Variants in ITGA1 observed in about 807,000 individuals in gnomAD.
ITGA1 encodes integrin subunit alpha 1, also known as integrin alpha-1.
A neutral mutation model predicts 145.9 loss-of-function variants in ITGA1; 85 were observed. That is an observed-to-expected ratio of 0.58 (90% CI 0.49 to 0.70). ITGA1 has a LOEUF of 0.70. Among genes scored for constraint, ITGA1 ranks in the 30% least tolerant of loss-of-function variants. The pLI is 0.00. For missense variants in ITGA1, 1,351 were observed against 1,418.7 expected (o/e 0.95, Z 0.77); for synonymous variants, 520 against 495.3 (o/e 1.05, Z -0.66).
At chr5:52,882,192 C>T (rs1053662889) in intron 7 of ITGA1, among the ~76,000 whole-genome samples, 171 bp downstream of exon 7, 3 of 152,132 alleles carry the variant, frequency 2.0e-5, no homozygotes, top group African/African-American at 7.2e-5. Flanking sequence ...GTTTGTATGA[C>T]ACAATCTCAC....
At chr5:52,832,925 C>G (rs1749098543) in intron 1 of ITGA1, among the ~76,000 whole-genome samples, 1 of 151,720 alleles carries the variant, frequency 6.6e-6, no homozygotes, top group Non-Finnish European at 1.5e-5. Flanking sequence ...GGCATGATGG[C>G]TCATACCTGT....
intron 28 of ITGA1, among the ~76,000 whole-genome samples, chr5:52,950,105 T>C (rs770848868): frequency 5.9e-5 from 9 of 152,202 alleles, no homozygotes; most frequent in Non-Finnish European, 8.8e-5. Flanking sequence ...CTTAATACAC[T>C]TCATGATTGA....
In ITGA1 at chr5:52,925,406, A is replaced by C. The variant is rs202206578; in HGVS notation, c.2532A>C (p.Thr844=). 169 of 1,614,098 alleles carry C rather than the reference A, an allele frequency of 1.0e-4. No homozygotes were observed. In the Admixed American group the frequency reaches 2.8e-3, roughly 27 times the overall value. Residue 844 remains threonine (T), a synonymous_variant, in exon 19 of 29, where the codon ACA becomes ACC. Transcript: ENST00000282588. ...SQNDKFNVSL[T]VKNTKDSAYN... ...ATGATAAGTTCAACGTTAGCCTCAC[A>C]GTCAAAAATACAAAGGACAGTGCCT... is the stretch of plus-strand genomic sequence containing the variant.
intron 9 of ITGA1, among the ~76,000 whole-genome samples, chr5:52,896,231 A>G (rs1750221282): frequency 6.6e-6 from 1 of 152,186 alleles, no homozygotes; most frequent in Non-Finnish European, 1.5e-5. Context: ...AGAACATCAC[A>G]TAGCGTCCTT....
chr5:52,856,318 TGCTGTACA>T (rs1021116695), intron 2 of ITGA1, among the ~76,000 whole-genome samples: 19 of 152,192 alleles, frequency 1.2e-4, no homozygotes, highest in African/African-American at 4.3e-4. Context: ...CCTATTAGCA[TGCTGTACA>T]AGACTCACTT....
rs1386488467 is a variant in ITGA1, at chr5:52,937,456, C to T, written c.3020C>T (p.Pro1007Leu). 2 of 1,613,840 alleles carry T rather than the reference C, an allele frequency of 1.2e-6. No individual in the cohort carries two copies. Among genetic ancestry groups the T allele is most frequent in the Non-Finnish European group, 1.7e-6 (2 of 1,179,784 alleles). ...GAGCTTAAGCTGTCAATTTCATTCC[C>T]CAATATGACATCAAATGGTTACCCT... ...MPELKLSISF[P>L]NMTSNGYPVL... Residue 1007 changes from proline to leucine, a missense_variant, in exon 24 of 29, where the codon CCC becomes CTC. Coordinates refer to ENST00000282588, the MANE Select transcript of ITGA1 (RefSeq NM_181501.2).
At chr5:52,833,877 G>A (rs957949870) in intron 1 of ITGA1, among the ~76,000 whole-genome samples, 2 of 152,094 alleles carry the variant, frequency 1.3e-5, no homozygotes, top group African/African-American at 2.4e-5. Context: ...AAAAGCAGTT[G>A]GCTGGATGAA....
intron 1 of ITGA1, among the ~76,000 whole-genome samples, chr5:52,831,677 C>T (rs767001244): frequency 6.6e-6 from 1 of 151,466 alleles, no homozygotes; most frequent in Non-Finnish European, 1.5e-5. Context: ...AAATACATCT[C>T]GCAAGTGACT....
At position 52,864,797 on chromosome 5, in the gene ITGA1, G is replaced by A; in HGVS notation, c.330G>A (p.Lys110=). 1.9e-6 allele frequency: 3 copies of A among 1,612,368 alleles called. No individual in the cohort carries two copies. The highest frequency in any genetic ancestry group is 1.7e-5 in the Admixed American group (1 of 59,924). The change falls in exon 4 of 29, where the codon AAG becomes AAA. Residue 110 remains lysine, a synonymous_variant. Transcript: ENST00000282588. The part of the protein sequence containing the change: ...NTSIPNVTEV[K]ENMTFGSTLV... ...CAATTCCCAATGTCACAGAAGTAAA[G>A]GAGAACATGACATTTGGATCAACTT...
intron 27 of ITGA1, 112 bp from the exon 28 acceptor site, chr5:52,947,233 T>C (rs902536178): frequency 7.6e-6 from 5 of 661,338 alleles, no homozygotes; most frequent in African/African-American, 1.8e-5. Flanking sequence ...TTTCTCATTA[T>C]ATAGTAACGA....
intron 1 of ITGA1, among the ~76,000 whole-genome samples, chr5:52,840,075 C>T (rs766937443): frequency 6.6e-6 from 1 of 152,116 alleles, no homozygotes; most frequent in Non-Finnish European, 1.5e-5. Flanking sequence ...TGTATACTAC[C>T]TCTTTGCTTT....
intron 17 of ITGA1, among the ~76,000 whole-genome samples, chr5:52,921,771 T>G (rs1217375042): frequency 6.6e-6 from 1 of 152,190 alleles, no homozygotes; most frequent in Non-Finnish European, 1.5e-5. Flanking sequence ...GTAGAATTTG[T>G]ATCCCAAATA....
At chr5:52,934,713 G>A (rs1444503733) in intron 23 of ITGA1, among the ~76,000 whole-genome samples, 1 of 151,674 alleles carries the variant, frequency 6.6e-6, no homozygotes, top group African/African-American at 2.4e-5. Flanking sequence ...TTCAAATAAT[G>A]GATTTAAATA....
At chr5:52,938,526 A>G (rs1469212882) in intron 24 of ITGA1, among the ~76,000 whole-genome samples, 1 of 152,210 alleles carries the variant, frequency 6.6e-6, no homozygotes, top group African/African-American at 2.4e-5. Flanking sequence ...GGAAAAAATA[A>G]GCCTTTGGAA....
At chr5:52,847,981 A>T (rs1438000665) in intron 1 of ITGA1, among the ~76,000 whole-genome samples, 3 of 152,248 alleles carry the variant, frequency 2.0e-5, no homozygotes, top group Admixed American at 6.5e-5. Context: ...TTTAGGAGAC[A>T]GTCTTACTTA....
intron 6 of ITGA1, among the ~76,000 whole-genome samples, chr5:52,881,339 A>G (rs928895731): frequency 1.3e-5 from 2 of 152,006 alleles, no homozygotes; most frequent in African/African-American, 2.4e-5. Flanking sequence ...CTTCACATAC[A>G]CAGTTTCCCC....
intron 2 of ITGA1, among the ~76,000 whole-genome samples, chr5:52,856,992 A>T (rs909520541): frequency 1.1e-4 from 17 of 152,158 alleles, no homozygotes; most frequent in Non-Finnish European, 2.4e-4. Context: ...CTGTTAAGCA[A>T]CACTGGGCTT....
At chr5:52,850,193 G>A (rs553681426) in intron 2 of ITGA1, among the ~76,000 whole-genome samples, 3 of 151,872 alleles carry the variant, frequency 2.0e-5, no homozygotes, top group East Asian at 3.9e-4. Context: ...GTAGAGACAC[G>A]GTTTCACCAT....
intron 11 of ITGA1, among the ~76,000 whole-genome samples, chr5:52,900,897 T>C (rs960170213): frequency 6.6e-6 from 1 of 152,006 alleles, no homozygotes; most frequent in Non-Finnish European, 1.5e-5. Context: ...ATTATGTAAA[T>C]GTTATTATGT....
Sources: gnomAD v4.1 joint callset for allele counts (sites outside exome capture counted in the v4.1 genomes callset) on GRCh38, gnomAD v4.1.1 for gene constraint, MANE v1.5 for transcripts, NCBI Gene and HGNC (gene_info 2026-07-23, HGNC 2026-07-21) for gene names.